Variants in ADAMTS12 observed in about 807,000 individuals in gnomAD.
ADAMTS12 encodes the protein A disintegrin and metalloproteinase with thrombospondin motifs 12.
ADAMTS12 carries 118 observed loss-of-function variants against 167.8 expected under a neutral mutation model. That is an observed-to-expected ratio of 0.70 (90% CI 0.61 to 0.82). ADAMTS12 has a LOEUF of 0.82. Among genes scored for constraint, ADAMTS12 ranks in the 40% least tolerant of loss-of-function variants. ADAMTS12 has a pLI of 0.00. For synonymous variants in ADAMTS12, 704 were observed against 716.9 expected (o/e 0.98, Z 0.29); for missense variants, 1,916 against 1,998.8 (o/e 0.96, Z 0.79).
chr5:33,623,511 C>T lies in ADAMTS12; in HGVS notation c.2143+720G>A, dbSNP rs992525602. Among the ~76,000 whole-genome samples the T allele has an allele frequency of 3.9e-5, 6 of 152,170 alleles. 1 individual carries two copies. The East Asian group carries it at 1.2e-3, about 29-fold the overall frequency. ...GAACTGACTCTTCCTTGGGGTCCAC[C>T]CTTGAAGGTGAACTCTTCATGCCCT... On this transcript the variant is annotated intron_variant, in intron 14 of 23. Transcript: ENST00000504830.
At chr5:33,634,159 TA>T (rs1377714373) in intron 12 of ADAMTS12, among the ~76,000 whole-genome samples, 2 of 152,138 alleles carry the variant, frequency 1.3e-5, no homozygotes, top group African/African-American at 4.8e-5. Context: ...ATTTCTTAGG[TA>T]AGGAAAAGTT....
At chr5:33,853,289 T>A (rs1184446555) in intron 2 of ADAMTS12, among the ~76,000 whole-genome samples, 1 of 152,218 alleles carries the variant, frequency 6.6e-6, no homozygotes, top group Non-Finnish European at 1.5e-5. Context: ...CTAGCTGTCA[T>A]TGTCTGTCCC....
intron 21 of ADAMTS12, among the ~76,000 whole-genome samples, chr5:33,548,181 A>G (rs915181887): frequency 6.6e-6 from 1 of 152,204 alleles, no homozygotes; most frequent in Non-Finnish European, 1.5e-5. Flanking sequence ...CCCCCAAAAT[A>G]GTTATTGATT....
At chr5:33,680,512 C>CTT (rs5867204) in intron 5 of ADAMTS12, among the ~76,000 whole-genome samples, 8,047 of 149,878 alleles carry the variant, frequency 0.054, 457 homozygotes, top group East Asian at 0.18. Flanking sequence ...CTTTCTTCTT[C>CTT]TTTTTTTTTG....
chr5:33,616,170 C>T, intron 14 of ADAMTS12, 98 bp from the exon 15 acceptor site: 1 of 1,494,108 alleles, frequency 6.7e-7, no homozygotes, highest in African/African-American at 1.4e-5. Context: ...CCAGCCTCCC[C>T]ATCATTTAGT....
intron 2 of ADAMTS12, among the ~76,000 whole-genome samples, chr5:33,873,639 C>T (rs1750123314): frequency 6.6e-6 from 1 of 152,126 alleles, no homozygotes; most frequent in African/African-American, 2.4e-5. Context: ...GGAGAACTGA[C>T]ACTATCGGAC....
chr5:33,610,884 T>G (rs979696941), intron 16 of ADAMTS12, among the ~76,000 whole-genome samples: 4 of 152,064 alleles, frequency 2.6e-5, no homozygotes, highest in African/African-American at 9.7e-5. Flanking sequence ...CTGGCCAACA[T>G]GGTGAAACCC....
At chr5:33,836,572 G>A (rs1484092157) in intron 2 of ADAMTS12, among the ~76,000 whole-genome samples, 2 of 152,286 alleles carry the variant, frequency 1.3e-5, no homozygotes, top group South Asian at 2.1e-4. Context: ...GGCAGACAAC[G>A]GGACCAAGGC....
At chr5:33,831,565 C>T (rs1748301229) in intron 2 of ADAMTS12, among the ~76,000 whole-genome samples, 1 of 152,156 alleles carries the variant, frequency 6.6e-6, no homozygotes, top group African/African-American at 2.4e-5. Context: ...TTGTAGGTTC[C>T]AACTGAAGAG....
At position 33,621,613 on chromosome 5, in the gene ADAMTS12, G is replaced by A. The variant is rs374272084; in HGVS notation, c.2143+2618C>T. Among the ~76,000 whole-genome samples, 18 of 152,242 alleles carry A rather than the reference G, an allele frequency of 1.2e-4. No individual in the cohort carries two copies. The East Asian group carries it at 3.3e-3, about 28-fold the overall frequency. On this transcript the variant is annotated intron_variant, in intron 14 of 23. Transcript: ENST00000504830. Reference sequence around the variant, plus strand: ...TTTCTAATAAAAATGTGCTCATAAAGAGGTTATACCATTAACCCTGGGCAA... The same window carrying A: ...TTTCTAATAAAAATGTGCTCATAAAAAGGTTATACCATTAACCCTGGGCAA...
intron 3 of ADAMTS12, among the ~76,000 whole-genome samples, chr5:33,701,898 T>C (rs1212943198): frequency 6.6e-6 from 1 of 152,198 alleles, no homozygotes; most frequent in Non-Finnish European, 1.5e-5. Flanking sequence ...AAATCCCCCA[T>C]GGCCACAAAT....
chr5:33,685,555 G>A (rs185252234), intron 3 of ADAMTS12, among the ~76,000 whole-genome samples: 44 of 152,266 alleles, frequency 2.9e-4, no homozygotes, highest in Admixed American at 1.1e-3. Flanking sequence ...CATGTTTGGC[G>A]ATATTGACAA....
rs765907510 is a variant in ADAMTS12, at chr5:33,683,056, T to C, written c.877A>G (p.Ile293Val). The change falls in exon 5 of 24, where the codon ATT becomes GTT. Residue 293 changes from isoleucine (I) to valine (V), a missense_variant. Transcript: ENST00000504830. ...HNPSIGNAIHIVVVRLILLEE... is the reference protein window; with the variant it reads ...HNPSIGNAIHVVVVRLILLEE... ...AGTAGAATGAGCCGAACCACAACAA[T>C]GTGAATTGCATTGCCAATGCTTGGG... 1.2e-6 allele frequency: 2 copies of C among 1,613,368 alleles called. No individual in the cohort carries two copies. The highest frequency in any genetic ancestry group is 2.7e-5 in the African/African-American group (2 of 74,870).
chr5:33,702,437 C>T (rs1743036986), intron 3 of ADAMTS12, among the ~76,000 whole-genome samples: 1 of 152,182 alleles, frequency 6.6e-6, no homozygotes, highest in Non-Finnish European at 1.5e-5. Context: ...TCCATCATCT[C>T]CTGTGTTTTT....
intron 12 of ADAMTS12, 134 bp from the exon 13 acceptor site, chr5:33,631,047 C>A: frequency 2.0e-6 from 2 of 984,756 alleles, no homozygotes; most frequent in South Asian, 3.8e-5. Flanking sequence ...CCTTGAGACA[C>A]ATGCTGAAAT....
At chr5:33,651,150 G>T (rs957052142) in intron 7 of ADAMTS12, among the ~76,000 whole-genome samples, 2 of 152,154 alleles carry the variant, frequency 1.3e-5, no homozygotes, top group African/African-American at 4.8e-5. Context: ...TTCCTTCTGA[G>T]CAGGTTTTCC....
At chr5:33,804,916 A>G (rs1005790029) in intron 2 of ADAMTS12, among the ~76,000 whole-genome samples, 2 of 152,198 alleles carry the variant, frequency 1.3e-5, no homozygotes. Flanking sequence ...AGAATAAAAA[A>G]AAATGTGAAA....
intron 16 of ADAMTS12, among the ~76,000 whole-genome samples, chr5:33,613,249 G>C (rs1738820959): frequency 6.6e-6 from 1 of 152,248 alleles, no homozygotes; most frequent in South Asian, 2.1e-4. Flanking sequence ...AAAGGAGAAA[G>C]AGAGGTAGAG....
At chr5:33,724,085 A>G (rs1743894009) in intron 3 of ADAMTS12, among the ~76,000 whole-genome samples, 1 of 152,208 alleles carries the variant, frequency 6.6e-6, no homozygotes, top group Non-Finnish European at 1.5e-5. Context: ...GTTCTCTCCT[A>G]TGCTGTTGAC....
Sources: allele counts gnomAD v4.1 joint callset (sites outside exome capture counted in the v4.1 genomes callset), GRCh38; gene constraint gnomAD v4.1.1; transcripts MANE v1.5; gene names NCBI Gene and HGNC (gene_info 2026-07-23, HGNC 2026-07-21).